MUC5B: variants seen among roughly 807,000 people sequenced by gnomAD.
MUC5B encodes mucin-5B.
A neutral mutation model predicts 376.9 loss-of-function variants in MUC5B; 116 were observed. The observed-to-expected ratio is 0.31, with a 90% CI of 0.26 to 0.36. MUC5B has a LOEUF of 0.36. Among genes scored for constraint, MUC5B ranks in the 10% least tolerant of loss-of-function variants. The pLI, the probability that MUC5B is intolerant of heterozygous loss-of-function variation, is 1.00. For synonymous variants in MUC5B, 3,517 were observed against 3,390.9 expected, an observed-to-expected ratio of 1.04 and a Z score of -1.29; for missense variants, 7,165 against 7,769.9, an observed-to-expected ratio of 0.92 and a Z score of 2.93.
chr11:1,237,178 C>G lies in MUC5B; in HGVS notation c.3297+14C>G, dbSNP rs1253982404. The stretch of plus-strand genomic sequence containing the variant: ...TGCCGCTCCCAGGTGGGGCTCTGGT[C>G]TTGGCAGGCAGGGTCTGGTGGGGAT... On this transcript the variant is annotated intron_variant, in intron 25 of 48. Coordinates refer to ENST00000529681, the MANE Select transcript of MUC5B (RefSeq NM_002458.3). The G allele has an allele frequency of 1.4e-6, 2 of 1,414,328 alleles. No individual in the cohort carries two copies. Among genetic ancestry groups the G allele is most frequent in the Admixed American group, 2.8e-5 (1 of 35,720 alleles). 87.6% of individuals were successfully genotyped at this position (1,414,328 alleles called of 1,614,324 possible). A position where few individuals can be genotyped will look rare whatever the true frequency, so the allele number is the denominator to read the frequency against.
rs1364776017 is a variant in MUC5B, at chr11:1,246,046, A to G, written c.9166A>G (p.Ser3056Gly). Residue 3056 changes from serine to glycine, a missense_variant, in exon 31 of 49, where the codon AGC (serine) becomes GGC (glycine). Around this residue, in one of 31 missense-constraint regions of MUC5B, gnomAD observed 939 missense variants for 770.6 expected, o/e 1.22. Transcript: ENST00000529681. ...RTATTLPVLT[S>G]TATKSTATSF... ...TGCAACCACCCTTCCAGTGCTGACA[A>G]GCACAGCCACCAAATCCACAGCTAC... 6.2e-7 allele frequency: 1 copy of G among 1,612,822 alleles called. No individual in the cohort carries two copies. The highest frequency in any genetic ancestry group is 2.2e-5 in the East Asian group (1 of 44,802).
Position 1,225,679 on chromosome 11 carries a change from A to G in MUC5B, c.71-2A>G. On this transcript the variant is annotated splice_acceptor_variant, in intron 1 of 48. Transcript: ENST00000529681. LOFTEE classifies it high-confidence loss of function. ...ACTGACTCCCATTCCCTCTTCCCAC[A>G]GAGACCCAGGGCCCTGTGGAGCCGA... is the stretch of plus-strand genomic sequence containing the variant. 6.3e-7 allele frequency: 1 copy of G among 1,599,796 alleles called. No homozygotes were observed.
Position 1,246,432 on chromosome 11 carries a change from CT to C in MUC5B, c.9553del (p.Ser3185ProfsTer12), listed in dbSNP as rs750757058. ...VPTGSTATAS[S>X]TRATAGTLKV... ...CCACCGGATCCACGGCCACCGCCTCCTCCACCCGGGCAACTGCTGGCACCCT... is the reference window on the plus strand; with the variant it reads ...CCACCGGATCCACGGCCACCGCCTCCCCACCCGGGCAACTGCTGGCACCCT... On this transcript the variant is annotated frameshift_variant, in exon 31 of 49. Transcript: ENST00000529681. LOFTEE classifies it high-confidence loss of function. 1 of 1,613,638 alleles carries C rather than the reference CT, an allele frequency of 6.2e-7. No individual in the cohort carries two copies. Among genetic ancestry groups the C allele is most frequent in the Non-Finnish European group, 8.5e-7 (1 of 1,179,796 alleles).
At chr11:1,233,341 T>C (rs2133813896) in intron 18 of MUC5B, 73 bp downstream of exon 18, 3 of 1,428,226 alleles carry the variant, frequency 2.1e-6, no homozygotes, top group Middle Eastern at 4.3e-4. Flanking sequence ...CGAAGGCTTC[T>C]GTGCCTCCCC....
chr11:1,225,784 G>A (rs1000327099), intron 2 of MUC5B, 47 bp downstream of exon 2: 8 of 1,564,716 alleles, frequency 5.1e-6, no homozygotes, highest in South Asian at 2.3e-5. Flanking sequence ...CAGGCTGGAG[G>A]GGCTGGAATT....
At chr11:1,254,384 C>A in intron 34 of MUC5B, 33 bp downstream of exon 34, 1 of 1,593,178 alleles carries the variant, frequency 6.3e-7, no homozygotes. Context: ...ACAGTGTTGG[C>A]CCAGTCCCAA....
At position 1,251,198 on chromosome 11, in the gene MUC5B, C is replaced by T. The variant is rs542177066; in HGVS notation, c.14318C>T (p.Ser4773Phe). 2 of 1,611,430 alleles carry T rather than the reference C, an allele frequency of 1.2e-6. No individual in the cohort carries two copies. The highest frequency in any genetic ancestry group is 1.7e-5 in the Admixed American group (1 of 59,990). Residue 4773 changes from serine to phenylalanine, a missense_variant, in exon 31 of 49, where the codon TCC (serine) becomes TTC (phenylalanine). Physicochemically the swap from Ser to Phe is radical, Grantham distance 155. Around this residue, in one of 31 missense-constraint regions of MUC5B, gnomAD observed 730 missense variants for 592.7 expected, o/e 1.23. Transcript: ENST00000529681. The stretch of plus-strand genomic sequence containing the variant: ...CCAGCACAGACCACCACACCCATGT[C>T]CACCATGTCCACAATCCACACCTCC... ...TVPAQTTTPMSTMSTIHTSST... is the reference protein window; with the variant it reads ...TVPAQTTTPMFTMSTIHTSST...
rs2133812074 is a variant in MUC5B at position 1,232,117 on chromosome 11, C to T, written c.1800C>T (p.Ala600=). The change falls in exon 15 of 49, where the codon GCC becomes GCT. Residue 600 remains alanine (A), a synonymous_variant. Transcript: ENST00000529681. ...TWKAQAACAN[A]RNSFEDPCSL... ...AGGCCCAGGCTGCCTGTGCCAATGC[C>T]AGGAACAGCTTTGAGGACCCCTGCT... The T allele has an allele frequency of 6.2e-7, 1 of 1,612,452 alleles. No homozygotes were observed. The highest frequency in any genetic ancestry group is 8.5e-7 in the Non-Finnish European group (1 of 1,179,588).
rs764144699 is a variant in MUC5B at position 1,248,761 on chromosome 11, A to G, written c.11881A>G (p.Thr3961Ala). The G allele has an allele frequency of 6.5e-7, 1 of 1,549,684 alleles. No individual in the cohort carries two copies. The highest frequency in any genetic ancestry group is 8.7e-7 in the Non-Finnish European group (1 of 1,146,760). Residue 3961 changes from threonine to alanine, a missense_variant, in exon 31 of 49, where the codon ACC becomes GCC. Thr to Ala is a moderately conservative substitution (Grantham distance 58). This residue lies in a region of MUC5B where 242 missense variants were observed against 199.0 expected (regional missense o/e 1.22). Coordinates refer to ENST00000529681, the MANE Select transcript of MUC5B (RefSeq NM_002458.3). Reference sequence around the variant, plus strand: ...TACGATCACGGCCACCGGCTCCACCACCAACCCCTCCTCAACTCCAGGGAC... The same window carrying G: ...TACGATCACGGCCACCGGCTCCACCGCCAACCCCTCCTCAACTCCAGGGAC... ...ATTITATGST[T>A]NPSSTPGTTP...
Position 1,233,255 on chromosome 11 carries a change from G to A in MUC5B, c.2308G>A (p.Glu770Lys), listed in dbSNP as rs566263410. Residue 770 changes from glutamate to lysine, a missense_variant, in exon 18 of 49, where the codon GAG becomes AAG. This residue lies in a region of MUC5B where 530 missense variants were observed against 604.0 expected (regional missense o/e 0.88). Coordinates refer to ENST00000529681, the MANE Select transcript of MUC5B (RefSeq NM_002458.3). ...VLAPGEVVHD[E>K]GAVCSCTGGK... ...GGCTCCTGGAGAGGTGGTGCACGAC[G>A]AGGGCGCCGTGTGGTAAGGGTCTGG... 14 of 1,573,002 alleles carry A rather than the reference G, an allele frequency of 8.9e-6. No individual in the cohort carries two copies. The highest frequency in any genetic ancestry group is 5.4e-5 in the African/African-American group (4 of 74,344).
In MUC5B at chr11:1,253,094, GGTGGGGCAT is replaced by G; in HGVS notation, c.15217+116_15217+124del. ...GGCACAGTGGGGTGCAGTGGGGAAT[GGTGGGGCAT>G]GGTGGGGCATGGTGGGGTGCAGTGG... is the stretch of plus-strand genomic sequence containing the variant. On this transcript the variant is annotated intron_variant, in intron 33 of 48. Transcript: ENST00000529681. This position sits in a 1 kb window ranked among gnomAD's most constrained non-coding sequence, Gnocchi z 4.3. The G allele has an allele frequency of 4.2e-6, 4 of 941,430 alleles. No homozygotes were observed. Among genetic ancestry groups the G allele is most frequent in the Non-Finnish European group, 3.1e-6 (2 of 634,930 alleles). The allele number at this position is 941,430 out of a possible 1,614,324, so 58.3% of individuals were successfully genotyped here. A position where few individuals can be genotyped will look rare whatever the true frequency, so the allele number is the denominator to read the frequency against.
At position 1,227,162 on chromosome 11, in the gene MUC5B, G is replaced by T; in HGVS notation, c.576+17G>T. 6.3e-7 allele frequency: 1 copy of T among 1,596,868 alleles called. No individual in the cohort carries two copies. The highest frequency in any genetic ancestry group is 1.1e-5 in the South Asian group (1 of 90,412). On this transcript the variant is annotated intron_variant, in intron 5 of 48. Coordinates refer to ENST00000529681, the MANE Select transcript of MUC5B (RefSeq NM_002458.3). ...AGTGCCCTGGTGAGGAAGCCCCCTC[G>T]CCCCTTGCCCCTTCAGGCCTGGCCA... is the stretch of plus-strand genomic sequence containing the variant.
chr11:1,242,671 A>C lies in MUC5B; in HGVS notation c.5791A>C (p.Arg1931=). The part of the protein sequence containing the change: ...GSTATPTSTL[R]TAPPPKVLTT... ...CACGGCCACCCCGACCTCCACCCTG[A>C]GAACAGCTCCCCCTCCCAAAGTGCT... The change falls in exon 31 of 49, where the codon AGA becomes CGA. Residue 1931 remains arginine (R), a synonymous_variant. Coordinates refer to ENST00000529681, the MANE Select transcript of MUC5B (RefSeq NM_002458.3). 1 of 1,599,612 alleles carries C rather than the reference A, an allele frequency of 6.3e-7. No homozygotes were observed. Among genetic ancestry groups the C allele is most frequent in the Non-Finnish European group, 8.6e-7 (1 of 1,167,246 alleles).
chr11:1,259,409 G>A, intron 44 of MUC5B: 1 of 491,426 alleles, frequency 2.0e-6, no homozygotes, highest in Non-Finnish European at 3.7e-6. Context: ...GGCTCCCTGG[G>A]GTTCTCTAGC....
In MUC5B at chr11:1,251,631, C is replaced by T. The variant is rs201821052; in HGVS notation, c.14751C>T (p.Ser4917=). Residue 4917 remains serine, a synonymous_variant, in exon 31 of 49, where the codon AGC becomes AGT. Transcript: ENST00000529681. The part of the protein sequence containing the change: ...AVLPSSLPTF[S]VSTVSSSVLT... ...TCCCCAGCAGCCTGCCAACCTTCAG[C>T]GTGTCCACTGTGTCCTCCTCAGTCC... is the stretch of plus-strand genomic sequence containing the variant. 1.0e-4 allele frequency: 167 copies of T among 1,613,090 alleles called. No individual in the cohort carries two copies. Among genetic ancestry groups the T allele is most frequent in the African/African-American group, 7.7e-4 (58 of 75,072 alleles).
chr11:1,241,757 C>T lies in MUC5B; in HGVS notation c.4877C>T (p.Ala1626Val). The change falls in exon 31 of 49, where the codon GCC (alanine) becomes GTC (valine). Residue 1626 changes from alanine to valine, a missense_variant. Physicochemically the swap from Ala to Val is moderately conservative, Grantham distance 64. Around this residue, in one of 31 missense-constraint regions of MUC5B, gnomAD observed 897 missense variants for 779.6 expected, o/e 1.15. Coordinates refer to ENST00000529681, the MANE Select transcript of MUC5B (RefSeq NM_002458.3). ...LETATTTTTQ[A>V]LFSTPQPTSS... Reference sequence around the variant, plus strand: ...ACGGCCACCACCACCACCACCCAGGCCCTGTTCTCAACGCCGCAGCCTACG... The same window carrying T: ...ACGGCCACCACCACCACCACCCAGGTCCTGTTCTCAACGCCGCAGCCTACG... 6.2e-7 allele frequency: 1 copy of T among 1,612,320 alleles called. No individual in the cohort carries two copies. Among genetic ancestry groups the T allele is most frequent in the Admixed American group, 1.7e-5 (1 of 59,868 alleles).
In MUC5B at chr11:1,242,572, T is replaced by C; in HGVS notation, c.5692T>C (p.Ser1898Pro). The C allele has an allele frequency of 6.2e-7, 1 of 1,613,362 alleles. No homozygotes were observed. The highest frequency in any genetic ancestry group is 8.5e-7 in the Non-Finnish European group (1 of 1,179,710). The part of the protein sequence containing the change: ...TPATSSTATP[S>P]STPGTTWILT... ...AGCCACCAGCTCCACGGCCACGCCCTCCTCAACTCCGGGGACGACCTGGAT... is the reference window on the plus strand; with the variant it reads ...AGCCACCAGCTCCACGGCCACGCCCCCCTCAACTCCGGGGACGACCTGGAT... The change falls in exon 31 of 49, where the codon TCC becomes CCC. Residue 1898 changes from serine to proline, a missense_variant. Around this residue, in one of 31 missense-constraint regions of MUC5B, gnomAD observed 897 missense variants for 779.6 expected, o/e 1.15. Coordinates refer to ENST00000529681, the MANE Select transcript of MUC5B (RefSeq NM_002458.3).
intron 47 of MUC5B, 50 bp from the exon 48 acceptor site, chr11:1,260,576 C>G (rs778920482): frequency 3.0e-5 from 46 of 1,553,074 alleles, no homozygotes; most frequent in South Asian, 1.2e-4. Flanking sequence ...AGTCCAGGCC[C>G]TCAGAGTGAG....
At chr11:1,238,759 G>A (rs1862209340) in intron 25 of MUC5B, 112 bp from the exon 26 acceptor site, 1 of 1,202,224 alleles carries the variant, frequency 8.3e-7, no homozygotes, top group East Asian at 2.6e-5. Context: ...TCAGAGAGCT[G>A]CCATGGGGGG....
Sources: allele counts gnomAD v4.1 joint callset, GRCh38; gene constraint gnomAD v4.1.1; regional missense constraint gnomAD v4.1.1; non-coding constraint Gnocchi (gnomAD v3.1); transcripts MANE v1.5; gene names NCBI Gene and HGNC (gene_info 2026-07-23, HGNC 2026-07-21).